Variants in PSMD14 observed in about 807,000 individuals in gnomAD.
The protein encoded by PSMD14 is ubiquitin C-terminal hydrolase PSMD14.
In PSMD14, 7 loss-of-function variants were observed where a neutral mutation model predicts 41.2. The observed-to-expected ratio is 0.17, with a 90% CI of 0.10 to 0.32. The LOEUF (loss-of-function observed/expected upper bound fraction) is 0.32. PSMD14 is among the 10% of genes least tolerant of loss of function. The pLI is 1.00. For missense variants in PSMD14, 139 were observed against 375.6 expected, an observed-to-expected ratio of 0.37 and a Z score of 5.21; for synonymous variants, 114 against 122.3, an observed-to-expected ratio of 0.93 and a Z score of 0.45.
chr2:161,410,161 C>G (rs912752430), intron 11 of PSMD14, among the ~76,000 whole-genome samples: 1 of 152,076 alleles, frequency 6.6e-6, no homozygotes, highest in Non-Finnish European at 1.5e-5. Context: ...GCAAAACTGT[C>G]TGTAATGGAA....
chr2:161,349,729 A>T (rs1683092940), intron 3 of PSMD14, among the ~76,000 whole-genome samples: 1 of 152,160 alleles, frequency 6.6e-6, no homozygotes, highest in East Asian at 1.9e-4. Context: ...AGGGCAGCTG[A>T]GGTGTGCTCC....
chr2:161,337,918 C>G (rs939303225), intron 3 of PSMD14, among the ~76,000 whole-genome samples: 6 of 152,032 alleles, frequency 3.9e-5, no homozygotes, highest in Non-Finnish European at 8.8e-5. Context: ...TCTCTGACTA[C>G]TTAATTGTTA....
chr2:161,364,360 T>G (rs1468199408), intron 3 of PSMD14, among the ~76,000 whole-genome samples: 1 of 152,120 alleles, frequency 6.6e-6, no homozygotes, highest in Non-Finnish European at 1.5e-5. Context: ...GGAGTTTTAA[T>G]AGACACAGCA....
At chr2:161,319,038 G>T in intron 3 of PSMD14, 165 bp downstream of exon 3, 1 of 445,634 alleles carries the variant, frequency 2.2e-6, no homozygotes, top group Admixed American at 4.3e-5. Flanking sequence ...TAGATAACAT[G>T]TGGAAAACAT....
intron 3 of PSMD14, among the ~76,000 whole-genome samples, chr2:161,341,953 C>T (rs1682969732): frequency 6.6e-6 from 1 of 151,236 alleles, no homozygotes; most frequent in African/African-American, 2.4e-5. Context: ...ATGTCACAAA[C>T]ATATTCTCTT....
At chr2:161,310,151 A>G (rs995851779) in intron 1 of PSMD14, among the ~76,000 whole-genome samples, 1 of 152,124 alleles carries the variant, frequency 6.6e-6, no homozygotes, top group African/African-American at 2.4e-5. Flanking sequence ...ACTTTGTCTC[A>G]AAAAAAAGAG....
At chr2:161,327,461 C>G (rs1682715587) in intron 3 of PSMD14, among the ~76,000 whole-genome samples, 1 of 152,070 alleles carries the variant, frequency 6.6e-6, no homozygotes. Flanking sequence ...CCAGATGGTT[C>G]TTTATAAGGA....
At chr2:161,363,464 T>C (rs1027088194) in intron 3 of PSMD14, among the ~76,000 whole-genome samples, 1 of 152,234 alleles carries the variant, frequency 6.6e-6, no homozygotes, top group Non-Finnish European at 1.5e-5. Context: ...TTTTCATCTT[T>C]TTATCTTGGT....
At chr2:161,340,939 C>T (rs1207031211) in intron 3 of PSMD14, 1 of 1,613,520 alleles carries the variant, frequency 6.2e-7, no homozygotes, top group Non-Finnish European at 8.5e-7. Flanking sequence ...TCCTCAGGCC[C>T]TTCCGATGAT....
At chr2:161,365,270 C>G (rs1463709828) in intron 3 of PSMD14, among the ~76,000 whole-genome samples, 1 of 152,196 alleles carries the variant, frequency 6.6e-6, no homozygotes, top group Non-Finnish European at 1.5e-5. Context: ...CTTGCTTCCT[C>G]TCTCTCGAGG....
At chr2:161,393,879 C>CAA (rs1431546928) in intron 9 of PSMD14, among the ~76,000 whole-genome samples, 8 of 151,206 alleles carry the variant, frequency 5.3e-5, no homozygotes, top group Non-Finnish European at 1.2e-4. Context: ...ATTGTAAGTC[C>CAA]AATTTGAGAA....
At chr2:161,359,600 A>T (rs1683261212) in intron 3 of PSMD14, among the ~76,000 whole-genome samples, 1 of 152,166 alleles carries the variant, frequency 6.6e-6, no homozygotes, top group African/African-American at 2.4e-5. Context: ...CACTGTGCCC[A>T]TCTAGACTTC....
At chr2:161,400,705 C>T (rs1271045034) in intron 10 of PSMD14, among the ~76,000 whole-genome samples, 2 of 152,078 alleles carry the variant, frequency 1.3e-5, no homozygotes, top group Non-Finnish European at 2.9e-5. Context: ...AGGCATGTGC[C>T]ATCATGCCTG....
At chr2:161,317,288 C>G (rs974163254) in intron 2 of PSMD14, among the ~76,000 whole-genome samples, 1 of 151,974 alleles carries the variant, frequency 6.6e-6, no homozygotes, top group African/African-American at 2.4e-5. Flanking sequence ...TCTGTATTAC[C>G]ACGTTTTCTT....
chr2:161,358,659 G>T (rs1290614212), intron 3 of PSMD14, among the ~76,000 whole-genome samples: 2 of 152,114 alleles, frequency 1.3e-5, no homozygotes, highest in African/African-American at 4.8e-5. Flanking sequence ...TGTTTAAAGA[G>T]CCTGGCCGGG....
rs147690168 is a variant in PSMD14 at position 161,365,104 on chromosome 2, T to TA, written c.49-2366dup. 1.5e-3 allele frequency among the ~76,000 whole-genome samples: 229 copies of TA among 152,014 alleles called. 3 individuals are homozygous for TA. Among genetic ancestry groups the TA allele is most frequent in the Non-Finnish European group, 4.4e-4 (30 of 67,972 alleles). Reference sequence around the variant, plus strand: ...CTGGGTGACAGAGCGAGACTCCGTCTAAAAAAAACCAAAAATAAAACAGCA... The same window carrying TA: ...CTGGGTGACAGAGCGAGACTCCGTCTAAAAAAAAACCAAAAATAAAACAGCA... On this transcript the variant is annotated intron_variant, in intron 3 of 11. Coordinates refer to ENST00000409682, the MANE Select transcript of PSMD14 (RefSeq NM_005805.6).
chr2:161,371,174 C>T lies in PSMD14; in HGVS notation c.314C>T (p.Pro105Leu), dbSNP rs867217527. Reference sequence around the variant, plus strand: ...TCTGAATGCCCTCTTTGTTTCAGGCCGGAGATGGTTGTTGGTTGGTATCAC... The same window carrying T: ...TCTGAATGCCCTCTTTGTTTCAGGCTGGAGATGGTTGTTGGTTGGTATCAC... ...MLDMLKQTGR[P>L]EMVVGWYHSH... Residue 105 changes from proline to leucine, a missense_variant and splice_region_variant, in exon 7 of 12, where the codon CCG becomes CTG. By Grantham distance (98) the Pro-to-Leu change is moderately conservative (BLOSUM62 -3). This residue lies in a region of PSMD14 where 35 missense variants were observed against 162.9 expected (regional missense o/e 0.21). Transcript: ENST00000409682. 4 of 1,611,968 alleles carry T rather than the reference C, an allele frequency of 2.5e-6. No individual in the cohort carries two copies. Among genetic ancestry groups the T allele is most frequent in the African/African-American group, 1.3e-5 (1 of 74,802 alleles).
At chr2:161,402,999 TAAAC>T (rs922514145) in intron 10 of PSMD14, among the ~76,000 whole-genome samples, 29 of 152,318 alleles carry the variant, frequency 1.9e-4, no homozygotes, top group African/African-American at 4.3e-4. Flanking sequence ...CTCAAAAAGT[TAAAC>T]AGACAGTTCC....
chr2:161,380,863 G>A (rs1037429686), intron 7 of PSMD14, among the ~76,000 whole-genome samples: 1 of 151,894 alleles, frequency 6.6e-6, no homozygotes, highest in African/African-American at 2.4e-5. Flanking sequence ...CAGAAGTAAC[G>A]AAATGGTCAC....
Sources: allele counts gnomAD v4.1 joint callset (sites outside exome capture counted in the v4.1 genomes callset), GRCh38; gene constraint gnomAD v4.1.1; regional missense constraint gnomAD v4.1.1; transcripts MANE v1.5; gene names NCBI Gene and HGNC (gene_info 2026-07-23, HGNC 2026-07-21).